SEMG2: variants seen among roughly 807,000 people sequenced by gnomAD.
SEMG2 encodes semenogelin 2.
A neutral mutation model predicts 8.1 loss-of-function variants in SEMG2; 3 were observed. That is an observed-to-expected ratio of 0.37 (90% CI 0.17 to 0.96). The LOEUF is 0.96. Ranked by LOEUF, SEMG2 falls within the 40% of genes least tolerant of loss-of-function variation. The pLI is 0.41. For synonymous variants in SEMG2, 252 were observed against 231.4 expected, an observed-to-expected ratio of 1.09 and a Z score of -0.81; for missense variants, 726 against 671.2, an observed-to-expected ratio of 1.08 and a Z score of -0.90.
In SEMG2 at chr20:45,223,425, G is replaced by A; in HGVS notation, c.*44G>A. 1 of 1,438,544 alleles carries A rather than the reference G, an allele frequency of 7.0e-7. No individual in the cohort carries two copies. The highest frequency in any genetic ancestry group is 9.6e-7 in the Non-Finnish European group (1 of 1,045,712). The allele number at this position is 1,438,544 out of a possible 1,614,324, so 89.1% of individuals were successfully genotyped here. A position where few individuals can be genotyped will look rare whatever the true frequency, so the allele number is the denominator to read the frequency against. Reference sequence around the variant, plus strand: ...ACTTGAAAAGCTGGACCAATAGCAAGGTAAGTTTGCTTTTCTTACCAAATA... The same window carrying A: ...ACTTGAAAAGCTGGACCAATAGCAAAGTAAGTTTGCTTTTCTTACCAAATA... On this transcript the variant is annotated splice_region_variant and 3_prime_UTR_variant, in exon 2 of 3. Coordinates refer to ENST00000372769, the MANE Select transcript of SEMG2 (RefSeq NM_003008.3).
In SEMG2 at chr20:45,223,382, C is replaced by T. The variant is rs1348319731; in HGVS notation, c.*1C>T. ...AGACAGAAATCCAATATCTACATAG[C>T]CCTGTTGCTTAGCAACCACTTGAAA... On this transcript the variant is annotated 3_prime_UTR_variant, in exon 2 of 3. Transcript: ENST00000372769. 6.3e-7 allele frequency: 1 copy of T among 1,592,594 alleles called. No individual in the cohort carries two copies. Among genetic ancestry groups the T allele is most frequent in the South Asian group, 1.1e-5 (1 of 88,662 alleles).
rs772776203 is a variant in SEMG2, at chr20:45,223,142, G to A, written c.1510G>A (p.Gly504Ser). 1.4e-5 allele frequency: 22 copies of A among 1,613,990 alleles called. No homozygotes were observed. In the African/African-American group the frequency reaches 2.7e-4, roughly 20 times the overall value. Residue 504 changes from glycine (G) to serine (S), a missense_variant, in exon 2 of 3, where the codon GGC becomes AGC. Physicochemically the swap from Gly to Ser is moderately conservative, Grantham distance 56. Coordinates refer to ENST00000372769, the MANE Select transcript of SEMG2 (RefSeq NM_003008.3). The part of the protein sequence containing the change: ...ISFQIEKLVE[G>S]KSQIQTPNPN... ...TTTCCAAATTGAAAAGCTAGTAGAA[G>A]GCAAGTCTCAAATCCAGACACCAAA...
At position 45,223,483 on chromosome 20, in the gene SEMG2, C is replaced by G. The variant is rs1018943529; in HGVS notation, c.*44+58C>G. 37 of 710,950 alleles carry G rather than the reference C, an allele frequency of 5.2e-5. No homozygotes were observed. The South Asian group carries it at 6.9e-4, about 13-fold the overall frequency. The allele number at this position is 710,950 out of a possible 1,614,324, so 44.0% of individuals were successfully genotyped here. ...TGCCTGTCCCAAAGTTGGGGACTCT[C>G]CAGGAACATGGTAGGACTGATAACC... is the stretch of plus-strand genomic sequence containing the variant. On this transcript the variant is annotated intron_variant, in intron 2 of 2. Coordinates refer to ENST00000372769, the MANE Select transcript of SEMG2 (RefSeq NM_003008.3).
chr20:45,221,871 G>T lies in SEMG2; in HGVS notation c.239G>T (p.Arg80Leu), dbSNP rs563034271. 2 of 1,613,686 alleles carry T rather than the reference G, an allele frequency of 1.2e-6. No individual in the cohort carries two copies. Among genetic ancestry groups the T allele is most frequent in the South Asian group, 1.1e-5 (1 of 90,924 alleles). The change falls in exon 2 of 3, where the codon CGA (arginine) becomes CTA (leucine). Residue 80 changes from arginine to leucine, a missense_variant. By Grantham distance (102) the Arg-to-Leu change is moderately radical (BLOSUM62 -2). Transcript: ENST00000372769. ...GACATCAATGATCATGACTGGACCC[G>T]AAAAAGTCAGCAATATGATTTGAAT... ...HVDINDHDWTRKSQQYDLNAL... is the reference protein window; with the variant it reads ...HVDINDHDWTLKSQQYDLNAL...
Position 45,223,258 on chromosome 20 carries a change from A to C in SEMG2, c.1626A>C (p.Gln542His). Reference sequence around the variant, plus strand: ...AACAAGACCTACTCAGTCATGAACAAAAAGGCAGATACAAACAGGAATCCA... The same window carrying C: ...AACAAGACCTACTCAGTCATGAACACAAAGGCAGATACAAACAGGAATCCA... ...DSKQDLLSHE[Q>H]KGRYKQESSE... Residue 542 changes from glutamine (Q) to histidine (H), a missense_variant, in exon 2 of 3, where the codon CAA becomes CAC. Physicochemically the swap from Gln to His is conservative, Grantham distance 24. Coordinates refer to ENST00000372769, the MANE Select transcript of SEMG2 (RefSeq NM_003008.3). 1 of 1,614,208 alleles carries C rather than the reference A, an allele frequency of 6.2e-7. No individual in the cohort carries two copies. Among genetic ancestry groups the C allele is most frequent in the South Asian group, 1.1e-5 (1 of 91,084 alleles).
chr20:45,222,141 G>A lies in SEMG2; in HGVS notation c.509G>A (p.Gly170Glu), dbSNP rs1383249004. Residue 170 changes from glycine to glutamate, a missense_variant, in exon 2 of 3, where the codon GGA becomes GAA. Transcript: ENST00000372769. ...SNTEKRLWVH[G>E]LSKEQASASG... ...ACAGAAAAAAGGCTATGGGTTCATG[G>A]ACTAAGTAAAGAACAAGCTTCAGCC... The A allele has an allele frequency of 4.3e-6, 7 of 1,614,002 alleles. No individual in the cohort carries two copies. Among genetic ancestry groups the A allele is most frequent in the East Asian group, 4.5e-5 (2 of 44,894 alleles).
At position 45,222,591 on chromosome 20, in the gene SEMG2, A is replaced by G. The variant is rs1555844644; in HGVS notation, c.959A>G (p.Glu320Gly). The G allele has an allele frequency of 6.2e-7, 1 of 1,614,194 alleles. No homozygotes were observed. The highest frequency in any genetic ancestry group is 1.1e-5 in the South Asian group (1 of 91,082). The part of the protein sequence containing the change: ...SKGSISIQTE[E>G]KIHGKSQNQV... ...GGCAGCATTTCTATCCAAACTGAAG[A>G]GAAAATACATGGCAAGTCTCAAAAC... Residue 320 changes from glutamate to glycine, a missense_variant, in exon 2 of 3, where the codon GAG (glutamate) becomes GGG (glycine). By Grantham distance (98) the Glu-to-Gly change is moderately conservative. Coordinates refer to ENST00000372769, the MANE Select transcript of SEMG2 (RefSeq NM_003008.3).
In SEMG2 at chr20:45,222,909, A is replaced by G. The variant is rs1984057326; in HGVS notation, c.1277A>G (p.Gln426Arg). 2 of 1,613,774 alleles carry G rather than the reference A, an allele frequency of 1.2e-6. No homozygotes were observed. Among genetic ancestry groups the G allele is most frequent in the Admixed American group, 1.7e-5 (1 of 59,994 alleles). Residue 426 changes from glutamine (Q) to arginine (R), a missense_variant, in exon 2 of 3, where the codon CAG becomes CGG. Coordinates refer to ENST00000372769, the MANE Select transcript of SEMG2 (RefSeq NM_003008.3). ...CTCAACAGTGGAGAAAAGGATGTAC[A>G]GAAAGGTGTATCCAAAGGCAGTATT... The part of the protein sequence containing the change: ...RRLNSGEKDV[Q>R]KGVSKGSISI...
chr20:45,221,783 C>A lies in SEMG2; in HGVS notation c.151C>A (p.Gln51Lys), dbSNP rs750786246. ...ACAAAAGGGCCAGCACTATTTTGGA[C>A]AAAAAGACCAACAACATACTAAATC... is the stretch of plus-strand genomic sequence containing the variant. ...HGQKGQHYFG[Q>K]KDQQHTKSKG... Residue 51 changes from glutamine to lysine, a missense_variant, in exon 2 of 3, where the codon CAA (glutamine) becomes AAA (lysine). Physicochemically the swap from Gln to Lys is moderately conservative, Grantham distance 53. Coordinates refer to ENST00000372769, the MANE Select transcript of SEMG2 (RefSeq NM_003008.3). 1.9e-5 allele frequency: 30 copies of A among 1,613,904 alleles called. No homozygotes were observed. The South Asian group carries it at 2.9e-4, about 15-fold the overall frequency.
chr20:45,223,152 A>C lies in SEMG2; in HGVS notation c.1520A>C (p.Gln507Pro). 1 of 1,614,058 alleles carries C rather than the reference A, an allele frequency of 6.2e-7. No individual in the cohort carries two copies. Among genetic ancestry groups the C allele is most frequent in the Non-Finnish European group, 8.5e-7 (1 of 1,179,964 alleles). Residue 507 changes from glutamine to proline, a missense_variant, in exon 2 of 3, where the codon CAA becomes CCA. By Grantham distance (76) the Gln-to-Pro change is moderately conservative. Coordinates refer to ENST00000372769, the MANE Select transcript of SEMG2 (RefSeq NM_003008.3). ...GAAAAGCTAGTAGAAGGCAAGTCTC[A>C]AATCCAGACACCAAATCCTAATCAA... ...QIEKLVEGKS[Q>P]IQTPNPNQDQ...
At chr20:45,224,091 C>T (rs1329842033) in intron 2 of SEMG2, among the ~76,000 whole-genome samples, 200 bp from the exon 3 acceptor site, 1 of 152,070 alleles carries the variant, frequency 6.6e-6, no homozygotes, top group East Asian at 1.9e-4. Context: ...CTTCCATGCC[C>T]CTTTGCAATA....
Position 45,221,904 on chromosome 20 carries a change from A to G in SEMG2, c.272A>G (p.His91Arg), listed in dbSNP as rs369538412. ...KSQQYDLNAL[H>R]KATKSKQHLG... ...CAGCAATATGATTTGAATGCCCTACATAAGGCGACAAAATCAAAACAACAC... is the reference window on the plus strand; with the variant it reads ...CAGCAATATGATTTGAATGCCCTACGTAAGGCGACAAAATCAAAACAACAC... The change falls in exon 2 of 3, where the codon CAT becomes CGT. Residue 91 changes from histidine (H) to arginine (R), a missense_variant. By Grantham distance (29) the His-to-Arg change is conservative. Transcript: ENST00000372769. The G allele has an allele frequency of 1.1e-5, 18 of 1,613,536 alleles. No homozygotes were observed. Among genetic ancestry groups the G allele is most frequent in the Non-Finnish European group, 1.4e-5 (17 of 1,179,920 alleles).
Position 45,223,398 on chromosome 20 carries a change from C to A in SEMG2, c.*17C>A, listed in dbSNP as rs750524362. Reference sequence around the variant, plus strand: ...TCTACATAGCCCTGTTGCTTAGCAACCACTTGAAAAGCTGGACCAATAGCA... The same window carrying A: ...TCTACATAGCCCTGTTGCTTAGCAAACACTTGAAAAGCTGGACCAATAGCA... On this transcript the variant is annotated 3_prime_UTR_variant, in exon 2 of 3. Transcript: ENST00000372769. 6.4e-7 allele frequency: 1 copy of A among 1,558,124 alleles called. No individual in the cohort carries two copies. Among genetic ancestry groups the A allele is most frequent in the East Asian group, 2.2e-5 (1 of 44,470 alleles).
rs2233901 is a variant in SEMG2, at chr20:45,222,453, G to A, written c.821G>A (p.Ser274Asn). The change falls in exon 2 of 3, where the codon AGT becomes AAT. Residue 274 changes from serine to asparagine, a missense_variant. By Grantham distance (46) the Ser-to-Asn change is conservative. Coordinates refer to ENST00000372769, the MANE Select transcript of SEMG2 (RefSeq NM_003008.3). ...NKNQHQTKNL[S>N]QDQEHGRKAH... ...AATCAACACCAGACAAAAAATCTCA[G>A]TCAAGATCAAGAGCATGGCCGGAAG... 0.17 allele frequency: 278,733 copies of A among 1,613,738 alleles called. 25,302 individuals carry two copies. Among genetic ancestry groups the A allele is most frequent in the Middle Eastern group, 0.22 (1,318 of 6,060 alleles).
chr20:45,223,577 G>C (rs1984077167), intron 2 of SEMG2, among the ~76,000 whole-genome samples, 152 bp downstream of exon 2: 1 of 152,210 alleles, frequency 6.6e-6, no homozygotes, highest in Non-Finnish European at 1.5e-5. Flanking sequence ...CTGGCGAGTA[G>C]AGGACCTGGT....
intron 1 of SEMG2, 88 bp downstream of exon 1, chr20:45,221,553 G>T (rs1339272599): frequency 2.0e-6 from 3 of 1,471,110 alleles, no homozygotes; most frequent in East Asian, 4.5e-5. Context: ...ACCTGTTCAG[G>T]CACAGATTCT....
Position 45,221,482 on chromosome 20 carries a change from A to G in SEMG2, c.76+17A>G. 6.2e-7 allele frequency: 1 copy of G among 1,613,570 alleles called. No individual in the cohort carries two copies. The highest frequency in any genetic ancestry group is 2.2e-5 in the East Asian group (1 of 44,888). Reference sequence around the variant, plus strand: ...GACAAAAAGGTGAGTGGAGAGGGTAAGCCTTGGGGAAAGCTACTTTAAAAA... The same window carrying G: ...GACAAAAAGGTGAGTGGAGAGGGTAGGCCTTGGGGAAAGCTACTTTAAAAA... On this transcript the variant is annotated intron_variant, in intron 1 of 2. Transcript: ENST00000372769.
chr20:45,221,420 C>T lies in SEMG2; in HGVS notation c.31C>T (p.Leu11=). 6.2e-7 allele frequency: 1 copy of T among 1,614,134 alleles called. No homozygotes were observed. The highest frequency in any genetic ancestry group is 1.1e-5 in the South Asian group (1 of 91,084). The change falls in exon 1 of 3, where the codon CTG becomes TTG. Residue 11 remains leucine, a synonymous_variant. Coordinates refer to ENST00000372769, the MANE Select transcript of SEMG2 (RefSeq NM_003008.3). The part of the protein sequence containing the change: MKSIILFVLS[L]LLILEKQAAV... The stretch of plus-strand genomic sequence containing the variant: ...GTCCATCATCCTCTTTGTCCTTTCC[C>T]TGCTCCTTATCTTGGAGAAGCAAGC...
intron 2 of SEMG2, among the ~76,000 whole-genome samples, 184 bp from the exon 3 acceptor site, chr20:45,224,107 C>T (rs1172421081): frequency 6.6e-6 from 1 of 152,116 alleles, no homozygotes; most frequent in Non-Finnish European, 1.5e-5. Flanking sequence ...CAATAAGTAA[C>T]ACTGTACCTG....
Sources: gnomAD v4.1 joint callset for allele counts (sites outside exome capture counted in the v4.1 genomes callset) on GRCh38, gnomAD v4.1.1 for gene constraint, MANE v1.5 for transcripts, NCBI Gene and HGNC (gene_info 2026-07-23, HGNC 2026-07-21) for gene names.